The following SLC8A1 variants were observed in gnomAD, a reference collection of about 807,000 sequenced individuals.
SLC8A1 encodes the protein sodium/calcium exchanger 1.
A neutral mutation model predicts 68.3 loss-of-function variants in SLC8A1; 18 were observed. The observed-to-expected ratio is 0.26, with a 90% CI of 0.18 to 0.39. The LOEUF (loss-of-function observed/expected upper bound fraction) is 0.39, where lower values mean the gene tolerates loss of function less well. SLC8A1 is among the 10% of genes least tolerant of loss of function. The pLI is 1.00. For synonymous variants in SLC8A1, 475 were observed against 415.5 expected, an observed-to-expected ratio of 1.14 and a Z score of -1.74; for missense variants, 985 against 1,156.7, an observed-to-expected ratio of 0.85 and a Z score of 2.15.
intron 2 of SLC8A1, among the ~76,000 whole-genome samples, chr2:40,298,867 C>A (rs1309912320): frequency 1.3e-5 from 2 of 152,128 alleles, no homozygotes; most frequent in Non-Finnish European, 2.9e-5. Context: ...ATAGAATAAA[C>A]AATTTAGATG....
At chr2:40,422,153 C>G (rs1301172998) in intron 2 of SLC8A1, among the ~76,000 whole-genome samples, 1 of 152,092 alleles carries the variant, frequency 6.6e-6, no homozygotes, top group African/African-American at 2.4e-5. Flanking sequence ...CAGCTATCTT[C>G]TCACCCTTTC....
At chr2:40,388,690 C>T (rs1000613792) in intron 2 of SLC8A1, among the ~76,000 whole-genome samples, 1 of 152,044 alleles carries the variant, frequency 6.6e-6, no homozygotes, top group Non-Finnish European at 1.5e-5. Flanking sequence ...GAAGCTTGGA[C>T]CAAATCAAAT....
chr2:40,423,153 A>G (rs528077263), intron 2 of SLC8A1, among the ~76,000 whole-genome samples: 8 of 152,228 alleles, frequency 5.3e-5, no homozygotes, highest in African/African-American at 1.4e-4. Context: ...ACTTTTACTT[A>G]GCCTTTCATT....
chr2:40,097,854 G>A (rs1304239330), exon 8 of SLC8A1: 1 of 151,950 alleles, frequency 6.6e-6, no homozygotes, highest in African/African-American at 2.4e-5. Context: ...AGAGTTGGTT[G>A]TACATAACCT....
intron 2 of SLC8A1, among the ~76,000 whole-genome samples, chr2:40,419,538 C>T (rs955757691): frequency 6.6e-6 from 1 of 152,064 alleles, no homozygotes; most frequent in African/African-American, 2.4e-5. Flanking sequence ...ACCTCCTTCT[C>T]TGCCTCCCTC....
At chr2:40,331,651 T>A (rs2076422951) in intron 2 of SLC8A1, among the ~76,000 whole-genome samples, 1 of 152,064 alleles carries the variant, frequency 6.6e-6, no homozygotes, top group South Asian at 2.1e-4. Flanking sequence ...TAGGGTGCAA[T>A]GGTGCGATCT....
chr2:40,192,970 C>T (rs967144897), intron 2 of SLC8A1, among the ~76,000 whole-genome samples: 11 of 152,178 alleles, frequency 7.2e-5, no homozygotes, highest in Admixed American at 2.6e-4. Context: ...CCATCCGCCA[C>T]GGGATAGGAC....
chr2:40,119,664 A>G (rs1320666634), intron 7 of SLC8A1, among the ~76,000 whole-genome samples: 4 of 152,228 alleles, frequency 2.6e-5, no homozygotes. Context: ...AAAAACTTTT[A>G]TATATGGATC....
At chr2:40,405,510 C>A (rs1321242868) in intron 2 of SLC8A1, among the ~76,000 whole-genome samples, 2 of 152,238 alleles carry the variant, frequency 1.3e-5, no homozygotes, top group African/African-American at 2.4e-5. Context: ...ATCCGACTAA[C>A]TAGAATTCTT....
At chr2:40,494,315 T>G (rs1473777494) in intron 1 of SLC8A1, among the ~76,000 whole-genome samples, 1 of 152,002 alleles carries the variant, frequency 6.6e-6, no homozygotes, top group African/African-American at 2.4e-5. Context: ...AACACAAACA[T>G]GAGAGATTGC....
chr2:40,411,594 C>A (rs1312771343), intron 2 of SLC8A1, among the ~76,000 whole-genome samples: 1 of 151,476 alleles, frequency 6.6e-6, no homozygotes, highest in African/African-American at 2.4e-5. Flanking sequence ...TTAAAAAAAC[C>A]TGAAAAAACA....
upstream of SLC8A1, among the ~76,000 whole-genome samples, chr2:40,455,423 G>A (rs1186834140): frequency 6.6e-6 from 1 of 152,038 alleles, no homozygotes; most frequent in Non-Finnish European, 1.5e-5. Flanking sequence ...ATTGCTTCGG[G>A]CTTCTGAAAT....
intron 2 of SLC8A1, among the ~76,000 whole-genome samples, chr2:40,322,650 T>C (rs931788282): frequency 1.3e-5 from 2 of 151,974 alleles, no homozygotes; most frequent in Admixed American, 6.6e-5. Context: ...CATTTCAGCC[T>C]GGGTGACAGA....
chr2:40,456,543 T>C (rs1405488450), upstream of SLC8A1, among the ~76,000 whole-genome samples: 1 of 152,170 alleles, frequency 6.6e-6, no homozygotes, highest in African/African-American at 2.4e-5. Flanking sequence ...ATATCTGTGT[T>C]AGATTTTTCA....
In SLC8A1 at chr2:40,389,297, C is replaced by T. The variant is rs184595956; in HGVS notation, c.1808+39176G>A. Reference sequence around the variant, plus strand: ...TGTGAATCCCTAATCCCCAGTCTCACGGTAAGTGTCCTACATATTTAGTAG... The same window carrying T: ...TGTGAATCCCTAATCCCCAGTCTCATGGTAAGTGTCCTACATATTTAGTAG... On this transcript the variant is annotated intron_variant, in intron 2 of 7. Transcript: ENST00000406785. 3.9e-4 allele frequency among the ~76,000 whole-genome samples: 59 copies of T among 152,026 alleles called. No homozygotes were observed. The South Asian group carries it at 0.011, about 28-fold the overall frequency.
rs1176914865 is a variant in SLC8A1 at position 40,175,385 on chromosome 2, G to A, written c.1913-543C>T. ...AGAAATCCAGGCAGATCTGATTACA[G>A]TGGTAGGGAGCCACTGCTAAAAATG... is the stretch of plus-strand genomic sequence containing the variant. On this transcript the variant is annotated intron_variant, in intron 3 of 7. Coordinates refer to ENST00000406785, the Ensembl canonical transcript of SLC8A1. 16 of 1,127,268 alleles carry A rather than the reference G, an allele frequency of 1.4e-5. No homozygotes were observed. In the South Asian group the frequency reaches 2.2e-4, roughly 15 times the overall value. The allele number at this position is 1,127,268 out of a possible 1,614,324, so 69.8% of individuals were successfully genotyped here.
Position 40,496,798 on chromosome 2 carries a change from A to T in SLC8A1, c.-25+15551T>A, listed in dbSNP as rs531626139. The stretch of plus-strand genomic sequence containing the variant: ...ATCTGTTTAGATGATTTCCAATTTC[A>T]TCATTCTCAGTAAACTACCGCAAGA... On this transcript the variant is annotated intron_variant, in intron 1 of 7. Coordinates refer to the SLC8A1 transcript ENST00000402441. Among the ~76,000 whole-genome samples, 8 of 151,910 alleles carry T rather than the reference A, an allele frequency of 5.3e-5. No individual in the cohort carries two copies. In the South Asian group the frequency reaches 1.2e-3, roughly 24 times the overall value.
intron 2 of SLC8A1, among the ~76,000 whole-genome samples, chr2:40,385,240 G>A (rs1314982534): frequency 1.3e-5 from 2 of 152,100 alleles, no homozygotes; most frequent in East Asian, 3.9e-4. Flanking sequence ...CTAGTCTCGA[G>A]GAGGAAACTC....
chr2:40,118,967 G>A (rs2036174500), intron 7 of SLC8A1, among the ~76,000 whole-genome samples: 1 of 152,070 alleles, frequency 6.6e-6, no homozygotes, highest in Non-Finnish European at 1.5e-5. Context: ...TGGCACCTTT[G>A]CTGCCGCACC....
Sources: allele counts gnomAD v4.1 joint callset (sites outside exome capture counted in the v4.1 genomes callset), GRCh38; gene constraint gnomAD v4.1.1; transcripts MANE v1.5; gene names NCBI Gene and HGNC (gene_info 2026-07-23, HGNC 2026-07-21).